RANBP10: variants seen among roughly 807,000 people sequenced by gnomAD.
RANBP10 encodes the protein RAN binding protein 10.
In RANBP10, 24 loss-of-function variants were observed where a neutral mutation model predicts 72.8. That is an observed-to-expected ratio of 0.33 (90% confidence interval 0.24 to 0.46). RANBP10 has a LOEUF of 0.46. Ranked by LOEUF, RANBP10 falls within the 20% of genes least tolerant of loss-of-function variation. The probability of loss-of-function intolerance (pLI) is 1.00; values close to 1 mark genes in which losing one functional copy is unlikely to be tolerated. For synonymous variants in RANBP10, 310 were observed against 322.3 expected (o/e 0.96, Z 0.41); for missense variants, 679 against 817.5 (o/e 0.83, Z 2.07).
At chr16:67,797,989 C>CAAAAAA (rs56801646) in intron 2 of RANBP10, among the ~76,000 whole-genome samples, 1 of 43,868 alleles carries the variant, frequency 2.3e-5, no homozygotes, top group Non-Finnish European at 4.7e-5. Flanking sequence ...GACCCTCTCT[C>CAAAAAA]AAAAAAAAAA....
intron 3 of RANBP10, among the ~76,000 whole-genome samples, chr16:67,747,741 A>G (rs1444041504): frequency 6.6e-6 from 1 of 151,190 alleles, no homozygotes; most frequent in African/African-American, 2.4e-5. Flanking sequence ...CTGACCTCAA[A>G]TGATCCACCC....
chr16:67,781,129 G>C (rs964963869), intron 2 of RANBP10, among the ~76,000 whole-genome samples: 5 of 152,248 alleles, frequency 3.3e-5, no homozygotes, highest in Admixed American at 3.3e-4. Context: ...GCACCTGAGC[G>C]CAGTGCCGGA....
chr16:67,726,310 A>G lies in RANBP10; in HGVS notation c.*118T>C. ...AAAGGGAGAGGGGGAAAGGCCAGGC[A>G]GGAGGAGTGGACTCTGTCTATGGTT... is the stretch of plus-strand genomic sequence containing the variant. On this transcript the variant is annotated 3_prime_UTR_variant, in exon 14 of 14. Coordinates refer to ENST00000317506, the MANE Select transcript of RANBP10 (RefSeq NM_020850.3). The G allele has an allele frequency of 6.8e-7, 1 of 1,460,682 alleles. No individual in the cohort carries two copies. 90.5% of individuals were successfully genotyped at this position (1,460,682 alleles called of 1,614,324 possible).
At chr16:67,777,071 G>A (rs755081905) in intron 2 of RANBP10, among the ~76,000 whole-genome samples, 12 of 151,410 alleles carry the variant, frequency 7.9e-5, no homozygotes, top group East Asian at 2.0e-4. Flanking sequence ...TTAGCCGGGC[G>A]TGGTGGTGCA....
At chr16:67,754,196 A>C (rs1281643692) in intron 3 of RANBP10, among the ~76,000 whole-genome samples, 1 of 151,792 alleles carries the variant, frequency 6.6e-6, no homozygotes, top group African/African-American at 2.4e-5. Context: ...CGGAAGTGCT[A>C]AGCTTGAGAT....
chr16:67,747,821 T>TC (rs1213887591), intron 3 of RANBP10, among the ~76,000 whole-genome samples: 3 of 147,858 alleles, frequency 2.0e-5, no homozygotes, highest in South Asian at 4.3e-4. Context: ...TCTTTTCTTT[T>TC]TTTTTTTTTT....
intron 2 of RANBP10, among the ~76,000 whole-genome samples, chr16:67,774,096 A>G (rs1184890469): frequency 6.6e-6 from 1 of 152,182 alleles, no homozygotes; most frequent in African/African-American, 2.4e-5. Context: ...ACCTCAGCTG[A>G]CCAAGCAGCA....
At chr16:67,770,885 G>A (rs1392253239) in intron 3 of RANBP10, among the ~76,000 whole-genome samples, 2 of 152,186 alleles carry the variant, frequency 1.3e-5, no homozygotes, top group Admixed American at 1.3e-4. Context: ...CAACCAGAAG[G>A]TTGAGAAGGT....
At chr16:67,799,572 C>A (rs2055198886) in intron 2 of RANBP10, among the ~76,000 whole-genome samples, 1 of 152,178 alleles carries the variant, frequency 6.6e-6, no homozygotes, top group South Asian at 2.1e-4. Context: ...CAGGTGTGAG[C>A]CACTGCGCCC....
intron 2 of RANBP10, among the ~76,000 whole-genome samples, chr16:67,786,806 T>C (rs776126425): frequency 2.6e-5 from 4 of 151,828 alleles, no homozygotes; most frequent in Non-Finnish European, 5.9e-5. Flanking sequence ...ACACACCTGT[T>C]ATTCCAGCTA....
At chr16:67,736,574 A>T (rs1387258799) in intron 5 of RANBP10, among the ~76,000 whole-genome samples, 1 of 151,864 alleles carries the variant, frequency 6.6e-6, no homozygotes, top group African/African-American at 2.4e-5. Context: ...TTCCCCTACC[A>T]TCCTCCACCA....
intron 2 of RANBP10, among the ~76,000 whole-genome samples, chr16:67,784,990 A>C (rs2054887331): frequency 6.6e-6 from 1 of 151,930 alleles, no homozygotes; most frequent in Non-Finnish European, 1.5e-5. Context: ...CGGGCAGATC[A>C]CCTGAGGTCA....
chr16:67,758,700 G>T (rs542217000), intron 3 of RANBP10, among the ~76,000 whole-genome samples: 1 of 152,332 alleles, frequency 6.6e-6, no homozygotes, highest in Middle Eastern at 3.4e-3. Context: ...CTCTGCTGTC[G>T]ATGAAACCTT....
intron 2 of RANBP10, among the ~76,000 whole-genome samples, chr16:67,782,155 A>C (rs1004125167): frequency 6.6e-6 from 1 of 152,148 alleles, no homozygotes; most frequent in African/African-American, 2.4e-5. Context: ...TTTAGTTTTT[A>C]TTTGAGACAG....
chr16:67,792,449 C>A (rs2055046053), intron 2 of RANBP10, among the ~76,000 whole-genome samples: 1 of 151,644 alleles, frequency 6.6e-6, no homozygotes, highest in African/African-American at 2.4e-5. Context: ...GTAGTCCCAG[C>A]TACTTGGGAG....
intron 3 of RANBP10, among the ~76,000 whole-genome samples, chr16:67,744,787 A>C (rs1567683410): frequency 1.3e-5 from 2 of 152,230 alleles, no homozygotes. Context: ...AGCTGGAAGT[A>C]ACCTTGGAAG....
intron 3 of RANBP10, among the ~76,000 whole-genome samples, chr16:67,748,511 C>A (rs1420746495): frequency 6.6e-6 from 1 of 150,610 alleles, no homozygotes; most frequent in Non-Finnish European, 1.5e-5. Context: ...GCAACAAGAG[C>A]GAAACTCCGT....
Position 67,730,170 on chromosome 16 carries a change from C to T in RANBP10, c.890-124G>A. On this transcript the variant is annotated intron_variant, in intron 7 of 13. Coordinates refer to ENST00000317506, the MANE Select transcript of RANBP10 (RefSeq NM_020850.3). This position sits in a 1 kb window ranked among gnomAD's most constrained non-coding sequence, Gnocchi z 4.3. ...GAGTGCCTCGCCAGCTTGAAATGCT[C>T]ACAGGAGAGGAGGCTGGAGAAAGAA... is the stretch of plus-strand genomic sequence containing the variant. 2 of 795,742 alleles carry T rather than the reference C, an allele frequency of 2.5e-6. No individual in the cohort carries two copies. The highest frequency in any genetic ancestry group is 3.2e-5 in the South Asian group (2 of 63,224). 49.3% of individuals were successfully genotyped at this position (795,742 alleles called of 1,614,324 possible). A position where few individuals can be genotyped will look rare whatever the true frequency, so the allele number is the denominator to read the frequency against.
At chr16:67,737,145 G>GT (rs11325297) in intron 5 of RANBP10, among the ~76,000 whole-genome samples, 24 of 119,918 alleles carry the variant, frequency 2.0e-4, no homozygotes, top group South Asian at 7.9e-4. Context: ...ATCCTTTTCT[G>GT]TTTTTTTTTT....
Sources: allele counts gnomAD v4.1 joint callset (sites outside exome capture counted in the v4.1 genomes callset), GRCh38; gene constraint gnomAD v4.1.1; non-coding constraint Gnocchi (gnomAD v3.1); transcripts MANE v1.5; gene names NCBI Gene and HGNC (gene_info 2026-07-23, HGNC 2026-07-21).